Variants in KCNH8 observed in about 807,000 individuals in gnomAD.
KCNH8 encodes the protein voltage-gated delayed rectifier potassium channel KCNH8.
A neutral mutation model predicts 103.6 loss-of-function variants in KCNH8; 70 were observed. That is an observed-to-expected ratio of 0.68 (90% CI 0.56 to 0.82). KCNH8 has a LOEUF of 0.82. Ranked by LOEUF, KCNH8 falls within the 40% of genes least tolerant of loss-of-function variation. The pLI, the probability that KCNH8 is intolerant of heterozygous loss-of-function variation, is 0.00. For synonymous variants in KCNH8, 498 were observed against 489.4 expected (o/e 1.02, Z -0.23); for missense variants, 1,217 against 1,329.9 (o/e 0.92, Z 1.32).
intron 1 of KCNH8, among the ~76,000 whole-genome samples, chr3:19,220,279 C>T (rs1227473390): frequency 6.6e-6 from 1 of 152,204 alleles, no homozygotes; most frequent in African/African-American, 2.4e-5. Context: ...AGTCTCAGAG[C>T]TCAGCCCACA....
chr3:19,169,355 T>C (rs988134617), intron 1 of KCNH8, among the ~76,000 whole-genome samples: 3 of 148,498 alleles, frequency 2.0e-5, no homozygotes, highest in African/African-American at 7.5e-5. Flanking sequence ...GCCTCCCGGG[T>C]TCACGCCATT....
intron 11 of KCNH8, among the ~76,000 whole-genome samples, chr3:19,480,254 G>A (rs1372050738): frequency 6.6e-6 from 1 of 152,156 alleles, no homozygotes; most frequent in Non-Finnish European, 1.5e-5. Flanking sequence ...ACTCCCTGGT[G>A]GTTCAGCCTC....
chr3:19,512,199 G>A (rs1005870377), intron 12 of KCNH8, among the ~76,000 whole-genome samples: 60 of 152,154 alleles, frequency 3.9e-4, no homozygotes, highest in Admixed American at 7.2e-4. Flanking sequence ...CCTTTGCTGC[G>A]TTCACTGCCC....
intron 1 of KCNH8, among the ~76,000 whole-genome samples, chr3:19,239,639 T>A (rs1031617250): frequency 1.2e-4 from 9 of 72,150 alleles, no homozygotes; most frequent in South Asian, 4.6e-4. Context: ...TGATGGAATC[T>A]ATCTATCTAT....
chr3:19,346,785 T>G (rs1349145605), intron 4 of KCNH8: 2 of 430,612 alleles, frequency 4.6e-6, no homozygotes, highest in African/African-American at 2.0e-5. Context: ...AACTAAACTT[T>G]CAAATATAAG....
chr3:19,343,772 C>A lies in KCNH8; in HGVS notation c.570+1058C>A, dbSNP rs1185541979. ...TGATAAAACAGGACCATTCATCAGA[C>A]ATACGAAGTATTCATTTCTGATTGT... On this transcript the variant is annotated intron_variant, in intron 4 of 15. Transcript: ENST00000328405. 3.3e-5 allele frequency among the ~76,000 whole-genome samples: 5 copies of A among 152,048 alleles called. No individual in the cohort carries two copies. In the East Asian group the frequency reaches 9.6e-4, roughly 29 times the overall value.
chr3:19,297,023 C>A (rs2125286274), intron 3 of KCNH8, among the ~76,000 whole-genome samples: 1 of 152,106 alleles, frequency 6.6e-6, no homozygotes, highest in East Asian at 1.9e-4. Flanking sequence ...GAAAAACATA[C>A]ATATCCAGAT....
At chr3:19,408,294 T>C (rs2066725016) in intron 7 of KCNH8, among the ~76,000 whole-genome samples, 1 of 150,266 alleles carries the variant, frequency 6.7e-6, no homozygotes, top group Non-Finnish European at 1.5e-5. Context: ...GCCCCTAGGG[T>C]GGAAGGGGAA....
Position 19,450,277 on chromosome 3 carries a change from C to A in KCNH8, c.1547C>A (p.Ser516Ter). The change falls in exon 9 of 16, where the codon TCA becomes TAA. Residue 516 changes from serine (S) to a stop codon, truncating the protein, a stop_gained. Coordinates refer to ENST00000328405, the MANE Select transcript of KCNH8 (RefSeq NM_144633.3). LOFTEE classifies it high-confidence loss of function. Reference sequence around the variant, plus strand: ...CTCGAATATTTTCAAACAACCTGGTCAGTCAACAATGGAATAGATTCAAAT... The same window carrying A: ...CTCGAATATTTTCAAACAACCTGGTAAGTCAACAATGGAATAGATTCAAAT... ...RMLEYFQTTW[S>*]VNNGIDSNEL... 1 of 1,613,272 alleles carries A rather than the reference C, an allele frequency of 6.2e-7. No homozygotes were observed. Among genetic ancestry groups the A allele is most frequent in the South Asian group, 1.1e-5 (1 of 91,044 alleles).
At chr3:19,356,443 A>T (rs556554221) in intron 5 of KCNH8, among the ~76,000 whole-genome samples, 2 of 152,126 alleles carry the variant, frequency 1.3e-5, no homozygotes, top group African/African-American at 4.8e-5. Flanking sequence ...CAAAACTTAA[A>T]TATGAATGGT....
Position 19,310,287 on chromosome 3 carries a change from ATTGTATTCATTAGATCTTT to A in KCNH8, c.442+28962_442+28980del, listed in dbSNP as rs1352808807. On this transcript the variant is annotated intron_variant, in intron 3 of 15. Transcript: ENST00000328405. ...TAAGTGACTAATAGAAAACTTTTTC[ATTGTATTCATTAGATCTTT>A]TTGAAGATTTTTTTACTACTTGTTA... is the stretch of plus-strand genomic sequence containing the variant. Among the ~76,000 whole-genome samples, 5 of 152,020 alleles carry A rather than the reference ATTGTATTCATTAGATCTTT, an allele frequency of 3.3e-5. No homozygotes were observed. The East Asian group carries it at 9.7e-4, about 29-fold the overall frequency.
At chr3:19,431,572 T>A (rs2067122112) in intron 7 of KCNH8, among the ~76,000 whole-genome samples, 1 of 152,212 alleles carries the variant, frequency 6.6e-6, no homozygotes, top group African/African-American at 2.4e-5. Context: ...CTCTTCTTTG[T>A]ACATCTGGTA....
chr3:19,242,696 A>G (rs1436498354), intron 1 of KCNH8, among the ~76,000 whole-genome samples: 1 of 152,120 alleles, frequency 6.6e-6, no homozygotes, highest in Non-Finnish European at 1.5e-5. Flanking sequence ...TTTTTGTGTG[A>G]TATCTCTCAC....
intron 1 of KCNH8, among the ~76,000 whole-genome samples, chr3:19,153,124 A>G (rs2063146756): frequency 1.3e-5 from 2 of 152,176 alleles, no homozygotes; most frequent in Non-Finnish European, 2.9e-5. Context: ...TTGTAGATGA[A>G]TTCTGTGCCC....
chr3:19,379,959 A>G (rs1188526464), intron 5 of KCNH8, among the ~76,000 whole-genome samples: 1 of 152,210 alleles, frequency 6.6e-6, no homozygotes, highest in Non-Finnish European at 1.5e-5. Context: ...TTTGAGGATA[A>G]GACCTTTCCT....
chr3:19,337,474 G>A (rs2065599375), intron 3 of KCNH8, among the ~76,000 whole-genome samples: 1 of 151,712 alleles, frequency 6.6e-6, no homozygotes. Flanking sequence ...CCTGCTTACT[G>A]ACCACTACCT....
Position 19,148,708 on chromosome 3 carries a change from C to G in KCNH8, c.-12C>G. The G allele has an allele frequency of 6.2e-7, 1 of 1,613,810 alleles. No homozygotes were observed. The highest frequency in any genetic ancestry group is 1.3e-5 in the African/African-American group (1 of 75,060). On this transcript the variant is annotated 5_prime_UTR_variant, in exon 1 of 16. Coordinates refer to ENST00000328405, the MANE Select transcript of KCNH8 (RefSeq NM_144633.3). ...CAAACTTTGATGGAGAATTTCACAC[C>G]ACGCTGGAAAAATGCCGGTTATGAA...
At position 19,281,388 on chromosome 3, in the gene KCNH8, T is replaced by G. The variant is rs1344399782; in HGVS notation, c.442+59T>G. 2.7e-6 allele frequency: 4 copies of G among 1,480,390 alleles called. No individual in the cohort carries two copies. The African/African-American group carries it at 5.8e-5, about 21-fold the overall frequency. The allele number at this position is 1,480,390 out of a possible 1,614,324, so 91.7% of individuals were successfully genotyped here. On this transcript the variant is annotated intron_variant, in intron 3 of 15. Transcript: ENST00000328405. ...GAGTAACATTTTGAAATTGTTTACT[T>G]AAAAACTCTTGGAGAAAAACATGCA...
intron 6 of KCNH8, among the ~76,000 whole-genome samples, chr3:19,392,611 C>G (rs2066455648): frequency 6.6e-6 from 1 of 152,004 alleles, no homozygotes; most frequent in African/African-American, 2.4e-5. Context: ...AGATGTTTGT[C>G]TCCCAAATCT....
Sources: allele counts gnomAD v4.1 joint callset (sites outside exome capture counted in the v4.1 genomes callset), GRCh38; gene constraint gnomAD v4.1.1; transcripts MANE v1.5; gene names NCBI Gene and HGNC (gene_info 2026-07-23, HGNC 2026-07-21).